The following ASB15 variants were observed in gnomAD, a reference collection of about 807,000 sequenced individuals.
The protein encoded by ASB15 is ankyrin repeat and SOCS box containing 15.
Under a neutral mutation model 58.0 loss-of-function variants are expected in ASB15, and 54 were observed. The observed-to-expected ratio is 0.93, with a 90% CI of 0.75 to 1.17. The LOEUF is 1.17. Among genes scored for constraint, ASB15 ranks in the 50% most tolerant of loss-of-function variants. The pLI, the probability that ASB15 is intolerant of heterozygous loss-of-function variation, is 0.00. For missense variants in ASB15, 680 were observed against 707.4 expected (o/e 0.96, Z 0.44); for synonymous variants, 249 against 262.4 (o/e 0.95, Z 0.50).
chr7:123,610,120 T>C (rs1200589955), intron 3 of ASB15, among the ~76,000 whole-genome samples: 1 of 152,216 alleles, frequency 6.6e-6, no homozygotes, highest in East Asian at 1.9e-4. Flanking sequence ...AAATGCTGGC[T>C]GTTAAAAGCA....
rs1281757878 is a variant in ASB15, at chr7:123,604,165, G to A, written c.-111G>A. 1 of 152,138 alleles carries A rather than the reference G, an allele frequency of 6.6e-6. No individual in the cohort carries two copies. The highest frequency in any genetic ancestry group is 2.4e-5 in the African/African-American group (1 of 41,418). The allele number at this position is 152,138 out of a possible 1,614,324, so 9.4% of individuals were successfully genotyped here. On this transcript the variant is annotated 5_prime_UTR_variant, in exon 2 of 12. Coordinates refer to ENST00000451215, the MANE Select transcript of ASB15 (RefSeq NM_001290258.2). ...ATTAACAGGGCTCCTGTGTTGCAGA[G>A]GAACACTACTTTCTCAGTGTAGCTC...
At position 123,636,887 on chromosome 7, in the gene ASB15, C is replaced by T. The variant is rs201473684; in HGVS notation, c.1673C>T (p.Ala558Val). The T allele has an allele frequency of 2.4e-5, 39 of 1,604,470 alleles. No individual in the cohort carries two copies. In the East Asian group the frequency reaches 3.6e-4, roughly 15 times the overall value. ...LMGLQKLCQP[A>V]SVEKLPLPPA... ...GGTCTCCAGAAACTCTGCCAGCCAG[C>T]CTCAGTGGAGAAGCTTCCTCTACCA... The change falls in exon 12 of 12, where the codon GCC becomes GTC. Residue 558 changes from alanine to valine, a missense_variant. By Grantham distance (64) the Ala-to-Val change is moderately conservative (BLOSUM62 0). Transcript: ENST00000451215.
intron 3 of ASB15, among the ~76,000 whole-genome samples, chr7:123,610,188 T>C (rs537515187): frequency 1.1e-4 from 16 of 152,368 alleles, no homozygotes; most frequent in Admixed American, 1.3e-4. Context: ...CTCTAACTTC[T>C]GAAAGACCTT....
At chr7:123,628,808 T>A in intron 9 of ASB15, 56 bp from the exon 10 acceptor site, 1 of 1,225,736 alleles carries the variant, frequency 8.2e-7, no homozygotes, top group Non-Finnish European at 1.1e-6. Flanking sequence ...AACGGTAGTT[T>A]ATTTAATTTC....
chr7:123,623,861 CT>C (rs1406902458), intron 7 of ASB15, among the ~76,000 whole-genome samples: 1 of 29,058 alleles, frequency 3.4e-5, no homozygotes, highest in African/African-American at 1.8e-4. Context: ...GAGACTCTGT[CT>C]CAAAAAAAAA....
rs781763479 is a variant in ASB15 at position 123,629,036 on chromosome 7, G to C, written c.1042G>C (p.Asp348His). The C allele has an allele frequency of 1.9e-6, 3 of 1,613,826 alleles. No homozygotes were observed. Among genetic ancestry groups the C allele is most frequent in the Non-Finnish European group, 2.5e-6 (3 of 1,179,836 alleles). The stretch of plus-strand genomic sequence containing the variant: ...TGACCACATTTCCCAGAGCTATGAC[G>C]ATGAGAGGAAGACTGCGCTGTATTT... ...LADHISQSYD[D>H]ERKTALYFGV... The change falls in exon 10 of 12, where the codon GAT becomes CAT. Residue 348 changes from aspartate to histidine, a missense_variant. Coordinates refer to ENST00000451215, the MANE Select transcript of ASB15 (RefSeq NM_001290258.2).
At chr7:123,636,281 TC>T (rs1802422680) in intron 11 of ASB15, among the ~76,000 whole-genome samples, 1 of 152,148 alleles carries the variant, frequency 6.6e-6, no homozygotes, top group African/African-American at 2.4e-5. Context: ...ATTGAAAATA[TC>T]AGATATTTAA....
chr7:123,615,273 A>ATTT (rs2116511679), intron 4 of ASB15: 1 of 152,348 alleles, frequency 6.6e-6, no homozygotes, highest in Admixed American at 6.5e-5. Context: ...TTCTTAAAAA[A>ATTT]ACACATTATA....
intron 1 of ASB15, among the ~76,000 whole-genome samples, chr7:123,596,601 G>C (rs1799702479): frequency 6.6e-6 from 1 of 151,998 alleles, no homozygotes; most frequent in Non-Finnish European, 1.5e-5. Context: ...GACAGAGGGA[G>C]ACCCTGTCTC....
chr7:123,587,399 C>T (rs1169502075), intron 1 of ASB15, among the ~76,000 whole-genome samples: 1 of 150,788 alleles, frequency 6.6e-6, no homozygotes, highest in African/African-American at 2.4e-5. Context: ...ATTTTGTATC[C>T]TGCAACTTTA....
intron 1 of ASB15, among the ~76,000 whole-genome samples, chr7:123,568,365 A>T (rs1798815778): frequency 6.6e-6 from 1 of 151,676 alleles, no homozygotes; most frequent in Admixed American, 6.6e-5. Context: ...AAAAAAAAAT[A>T]CAAAATTAGC....
intron 9 of ASB15, among the ~76,000 whole-genome samples, chr7:123,628,071 C>T (rs1382011686): frequency 6.6e-6 from 1 of 152,186 alleles, no homozygotes; most frequent in Non-Finnish European, 1.5e-5. Flanking sequence ...GCCTGTGACT[C>T]TCATACATGT....
chr7:123,624,643 A>G lies in ASB15; in HGVS notation c.526A>G (p.Lys176Glu). ...HNTSLDQPCV[K>E]RWSAMHEAAK... is the part of the protein sequence containing the mutation. ...CACTAGCCTAGACCAGCCCTGTGTC[A>G]AGCGATGGTCAGCAATGCATGAAGC... The change falls in exon 8 of 12, where the codon AAG becomes GAG. Residue 176 changes from lysine to glutamate, a missense_variant. Lys to Glu is a moderately conservative substitution (Grantham distance 56, BLOSUM62 1). Transcript: ENST00000451215. 1 of 1,614,080 alleles carries G rather than the reference A, an allele frequency of 6.2e-7. No individual in the cohort carries two copies. Among genetic ancestry groups the G allele is most frequent in the African/African-American group, 1.3e-5 (1 of 75,036 alleles).
intron 11 of ASB15, among the ~76,000 whole-genome samples, chr7:123,634,624 AAAAG>A (rs1471487956): frequency 1.3e-5 from 2 of 152,256 alleles, no homozygotes; most frequent in African/African-American, 2.4e-5. Context: ...AAAAACTGAT[AAAAG>A]AAAGACTTAA....
At chr7:123,611,657 G>A (rs1452008890) in intron 3 of ASB15, among the ~76,000 whole-genome samples, 1 of 152,162 alleles carries the variant, frequency 6.6e-6, no homozygotes. Flanking sequence ...CTTAGATAAA[G>A]AAGTTACTCT....
chr7:123,577,641 G>T (rs546403448), intron 1 of ASB15, among the ~76,000 whole-genome samples: 62 of 152,054 alleles, frequency 4.1e-4, no homozygotes, highest in Non-Finnish European at 7.6e-4. Context: ...GATCAAAAAT[G>T]GTAATAAACA....
intron 1 of ASB15, among the ~76,000 whole-genome samples, chr7:123,583,256 A>T (rs2116325625): frequency 6.6e-6 from 1 of 152,112 alleles, no homozygotes; most frequent in East Asian, 1.9e-4. Flanking sequence ...AATAAATAAA[A>T]GACAGCACTG....
rs1459949582 is a variant in ASB15, at chr7:123,637,877, C to CAAAAAAAAAAAAAAAAAAAAA, written c.*896_*897insAAAAAAAAAAAAAAAAAAAAA. ...CAAATTCAACATGTCCCCAGATGAA[C>CAAAAAAAAAAAAAAAAAAAAA]TAAAAAAAAAAAAAAAAAAAAAACC... On this transcript the variant is annotated 3_prime_UTR_variant, in exon 12 of 12. Transcript: ENST00000451215. 2 of 19,122 alleles carry CAAAAAAAAAAAAAAAAAAAAA rather than the reference C, an allele frequency of 1.0e-4. No homozygotes were observed. Among genetic ancestry groups the CAAAAAAAAAAAAAAAAAAAAA allele is most frequent in the East Asian group, 2.4e-3 (1 of 422 alleles). 1.2% of individuals were successfully genotyped at this position (19,122 alleles called of 1,614,324 possible).
At chr7:123,617,851 C>A in intron 7 of ASB15, 114 bp downstream of exon 7, 2 of 1,049,596 alleles carry the variant, frequency 1.9e-6, no homozygotes, top group Non-Finnish European at 2.7e-6. Flanking sequence ...ATTCCCTGAG[C>A]TACTTGCCTA....
Sources: gnomAD v4.1 joint callset for allele counts (sites outside exome capture counted in the v4.1 genomes callset) on GRCh38, gnomAD v4.1.1 for gene constraint, MANE v1.5 for transcripts, NCBI Gene and HGNC (gene_info 2026-07-23, HGNC 2026-07-21) for gene names.